SHISA9: variants seen among roughly 807,000 people sequenced by gnomAD.
SHISA9 encodes the protein shisa family member 9.
Under a neutral mutation model 38.0 loss-of-function variants are expected in SHISA9, and 13 were observed. The observed-to-expected ratio is 0.34, with a 90% CI of 0.22 to 0.54. The LOEUF (loss-of-function observed/expected upper bound fraction) is 0.54, where lower values mean the gene tolerates loss of function less well. Ranked by LOEUF, SHISA9 falls within the 20% of genes least tolerant of loss-of-function variation. SHISA9 has a pLI of 0.91. For missense variants in SHISA9, 538 were observed against 575.8 expected, an observed-to-expected ratio of 0.93 and a Z score of 0.67; for synonymous variants, 275 against 242.0, an observed-to-expected ratio of 1.14 and a Z score of -1.27.
chr16:13,433,304 C>G, the SHISA9 span, among the ~76,000 whole-genome samples: 2 of 152,194 alleles, frequency 1.3e-5, no homozygotes, highest in Non-Finnish European at 2.9e-5. Context: ...CTCAATCTGT[C>G]TGCATCTCAG....
At chr16:13,243,272 C>G (rs369542420), downstream of SHISA9, among the ~76,000 whole-genome samples, 1 of 151,614 alleles carries the variant, frequency 6.6e-6, no homozygotes, top group East Asian at 1.9e-4. Flanking sequence ...GTTTATTTTG[C>G]TAAGGTCGAG....
the SHISA9 span, among the ~76,000 whole-genome samples, chr16:13,427,698 A>T: frequency 7.2e-5 from 11 of 152,100 alleles, no homozygotes; most frequent in Admixed American, 7.2e-4. Flanking sequence ...AGAGAAAGAG[A>T]TGAGTAGAGA....
At chr16:13,117,138 G>A (rs1382745605) in intron 2 of SHISA9, among the ~76,000 whole-genome samples, 1 of 152,012 alleles carries the variant, frequency 6.6e-6, no homozygotes, top group East Asian at 1.9e-4. Flanking sequence ...ACCACGCCCG[G>A]CTAATTTTTA....
At chr16:12,980,651 C>G (rs935875799) in intron 2 of SHISA9, among the ~76,000 whole-genome samples, 3 of 151,458 alleles carry the variant, frequency 2.0e-5, no homozygotes, top group African/African-American at 7.3e-5. Flanking sequence ...AATATTTACT[C>G]CTACTTTTAT....
intron 2 of SHISA9, among the ~76,000 whole-genome samples, chr16:13,152,205 A>G (rs1412488764): frequency 6.6e-6 from 1 of 152,210 alleles, no homozygotes. Flanking sequence ...CCTAGAAATA[A>G]ATTCATCTAG....
chr16:13,342,965 G>C, the SHISA9 span, among the ~76,000 whole-genome samples: 1 of 152,158 alleles, frequency 6.6e-6, no homozygotes, highest in African/African-American at 2.4e-5. Context: ...TGCTCTCAAA[G>C]ATCTCAAAGA....
the SHISA9 span, among the ~76,000 whole-genome samples, chr16:13,560,942 C>A: frequency 6.6e-6 from 1 of 152,136 alleles, no homozygotes; most frequent in Non-Finnish European, 1.5e-5. Flanking sequence ...CGGCTCACTG[C>A]AACCTCCACC....
chr16:13,280,333 T>G, the SHISA9 span, among the ~76,000 whole-genome samples: 1 of 151,708 alleles, frequency 6.6e-6, no homozygotes, highest in Non-Finnish European at 1.5e-5. Flanking sequence ...TCTATCTAAT[T>G]GCTTTAGGCT....
At chr16:13,201,521 A>G (rs1227300120) in intron 2 of SHISA9, among the ~76,000 whole-genome samples, 1 of 133,450 alleles carries the variant, frequency 7.5e-6, no homozygotes, top group Non-Finnish European at 1.6e-5. Context: ...CAAAGAGTCA[A>G]CTGTCTTCTG....
chr16:12,979,086 T>C (rs769622378), intron 2 of SHISA9, among the ~76,000 whole-genome samples: 3 of 152,226 alleles, frequency 2.0e-5, no homozygotes, highest in Non-Finnish European at 4.4e-5. Flanking sequence ...CTGTGGATTC[T>C]ACATTGCATT....
chr16:13,511,387 T>C, the SHISA9 span, among the ~76,000 whole-genome samples: 1 of 152,230 alleles, frequency 6.6e-6, no homozygotes, highest in African/African-American at 2.4e-5. Context: ...ATTGTTTACC[T>C]ATTTCCTGGC....
chr16:13,416,766 GGAA>G, the SHISA9 span, among the ~76,000 whole-genome samples: 8,136 of 94,422 alleles, frequency 0.086, 326 homozygotes, highest in East Asian at 0.15. Flanking sequence ...AAGGAAGGAA[GGAA>G]GGAAGGGAAG....
At chr16:13,417,063 A>G in the SHISA9 span, among the ~76,000 whole-genome samples, 1 of 152,194 alleles carries the variant, frequency 6.6e-6, no homozygotes, top group Non-Finnish European at 1.5e-5. Flanking sequence ...CACACAGAAA[A>G]TCACAAGGGC....
the SHISA9 span, among the ~76,000 whole-genome samples, chr16:13,318,751 A>G: frequency 6.6e-6 from 1 of 152,246 alleles, no homozygotes; most frequent in Non-Finnish European, 1.5e-5. Context: ...CTCAGGATCT[A>G]GAAGAGTACC....
At chr16:12,927,358 GCT>G (rs2071403920) in intron 2 of SHISA9, among the ~76,000 whole-genome samples, 1 of 152,118 alleles carries the variant, frequency 6.6e-6, no homozygotes, top group Non-Finnish European at 1.5e-5. Flanking sequence ...GGAGTTGTGT[GCT>G]CATACCAAGA....
At chr16:12,975,135 GTGT>G (rs1212371939) in intron 2 of SHISA9, among the ~76,000 whole-genome samples, 2 of 152,172 alleles carry the variant, frequency 1.3e-5, no homozygotes, top group Non-Finnish European at 2.9e-5. Context: ...GTTTAAGTGT[GTGT>G]TGTTATCTTT....
chr16:13,416,135 A>T, the SHISA9 span, among the ~76,000 whole-genome samples: 1 of 152,230 alleles, frequency 6.6e-6, no homozygotes, highest in South Asian at 2.1e-4. Context: ...ACATGAAAAA[A>T]AACCTCAAAA....
At chr16:13,139,741 C>G (rs2050383039) in intron 2 of SHISA9, among the ~76,000 whole-genome samples, 2 of 152,062 alleles carry the variant, frequency 1.3e-5, no homozygotes, top group Non-Finnish European at 2.9e-5. Flanking sequence ...CATTTTGTTC[C>G]TAACAATTTA....
intron 2 of SHISA9, among the ~76,000 whole-genome samples, chr16:13,003,620 G>A (rs2072553709): frequency 6.6e-6 from 1 of 152,170 alleles, no homozygotes. Flanking sequence ...CATTTTGGGA[G>A]GCCAGAGTGG....
Sources: gnomAD v4.1 joint callset for allele counts (sites outside exome capture counted in the v4.1 genomes callset) on GRCh38, gnomAD v4.1.1 for gene constraint, MANE v1.5 for transcripts, NCBI Gene and HGNC (gene_info 2026-07-23, HGNC 2026-07-21) for gene names.